TRAPPC9: variants seen among roughly 807,000 people sequenced by gnomAD.
TRAPPC9 encodes IKK2 binding protein.
TRAPPC9 carries 83 observed loss-of-function variants against 124.0 expected under a neutral mutation model. The observed-to-expected ratio is 0.67, with a 90% CI of 0.56 to 0.80. The LOEUF is 0.80. TRAPPC9 is among the 30% of genes least tolerant of loss of function. The probability of loss-of-function intolerance (pLI) is 0.00; values close to 1 mark genes in which losing one functional copy is unlikely to be tolerated. For synonymous variants in TRAPPC9, 638 were observed against 617.5 expected (o/e 1.03, Z -0.49); for missense variants, 1,302 against 1,508.3 (o/e 0.86, Z 2.27).
In TRAPPC9 at chr8:140,275,815, T is replaced by C. The variant is rs149959014; in HGVS notation, c.2121A>G (p.Ala707=). 7.4e-6 allele frequency: 12 copies of C among 1,612,020 alleles called. No homozygotes were observed. Among genetic ancestry groups the C allele is most frequent in the Admixed American group, 1.7e-5 (1 of 59,984 alleles). Residue 707 remains alanine (A), a synonymous_variant, in exon 15 of 23, where the codon GCA becomes GCG. Coordinates refer to ENST00000438773, the MANE Select transcript of TRAPPC9 (RefSeq NM_001160372.4). The part of the protein sequence containing the change: ...LQISTSLPRS[A]HSLQPSSGDE... ...CACCAGAAGAAGGTTGCAATGAATGTGCAGATCTAAAATAAGAAGAAGAAA... is the reference window on the plus strand; with the variant it reads ...CACCAGAAGAAGGTTGCAATGAATGCGCAGATCTAAAATAAGAAGAAGAAA...
chr8:140,293,416 G>A (rs576938465), intron 11 of TRAPPC9, among the ~76,000 whole-genome samples: 58 of 152,080 alleles, frequency 3.8e-4, no homozygotes, highest in African/African-American at 7.5e-4. Context: ...ACATGCACAC[G>A]TATGTTTATT....
chr8:139,926,191 G>C (rs1054081670), intron 19 of TRAPPC9, among the ~76,000 whole-genome samples: 3 of 152,202 alleles, frequency 2.0e-5, no homozygotes, highest in African/African-American at 7.2e-5. Context: ...GCAGAGGCCT[G>C]GGGAGGTGAG....
intron 21 of TRAPPC9, among the ~76,000 whole-genome samples, chr8:139,772,141 C>CA (rs1821009929): frequency 6.6e-6 from 1 of 152,246 alleles, no homozygotes; most frequent in Non-Finnish European, 1.5e-5. Flanking sequence ...CTGGGATCCA[C>CA]ATGGAAGGTG....
chr8:140,174,852 C>T (rs1457608158), intron 17 of TRAPPC9, among the ~76,000 whole-genome samples: 1 of 152,188 alleles, frequency 6.6e-6, no homozygotes, highest in Non-Finnish European at 1.5e-5. Context: ...GTTTGACTAT[C>T]ATAAATAATA....
Position 140,353,906 on chromosome 8 carries a change from C to T in TRAPPC9, c.1495+6144G>A, listed in dbSNP as rs889227741. ...AGGCTTGCTGGGTGGGCAAACAGAC[C>T]AACACCTCCACAGCCCAGCATGCTG... is the stretch of plus-strand genomic sequence containing the variant. On this transcript the variant is annotated intron_variant, in intron 9 of 22. Transcript: ENST00000438773. The surrounding 1 kb of genome is among the most constrained non-coding windows in gnomAD (Gnocchi z 4.2). Among the ~76,000 whole-genome samples the T allele has an allele frequency of 1.3e-5, 2 of 152,160 alleles. No homozygotes were observed. The highest frequency in any genetic ancestry group is 2.9e-5 in the Non-Finnish European group (2 of 68,030).
rs891215365 is a variant in TRAPPC9 at position 139,799,345 on chromosome 8, C to T, written c.3056-67143G>A. ...TCCACCCCAACCTTTTTTGCACTAT[C>T]AGGTAACATGCACACGATCCAGAGA... On this transcript the variant is annotated intron_variant, in intron 21 of 22. Transcript: ENST00000438773. Among the ~76,000 whole-genome samples the T allele has an allele frequency of 5.3e-5, 8 of 152,146 alleles. No homozygotes were observed. In the South Asian group the frequency reaches 8.3e-4, roughly 16 times the overall value.
intron 7 of TRAPPC9, among the ~76,000 whole-genome samples, chr8:140,377,970 T>C (rs1004032220): frequency 1.3e-5 from 2 of 151,382 alleles, no homozygotes; most frequent in Admixed American, 6.6e-5. Flanking sequence ...AAAAAAAAAA[T>C]ACTTTGGGAT....
intron 17 of TRAPPC9, among the ~76,000 whole-genome samples, chr8:140,199,469 C>A (rs145753974): frequency 1.2e-3 from 183 of 152,014 alleles, no homozygotes; most frequent in African/African-American, 4.3e-3. Context: ...TCACACAGTT[C>A]GTAGGTGATC....
chr8:140,326,030 CA>C (rs1398543722), intron 9 of TRAPPC9, among the ~76,000 whole-genome samples: 1 of 152,066 alleles, frequency 6.6e-6, no homozygotes, highest in East Asian at 1.9e-4. Flanking sequence ...AATGGATACA[CA>C]AATGGAAATA....
At chr8:140,165,603 GA>G (rs2130913607) in intron 17 of TRAPPC9, among the ~76,000 whole-genome samples, 1 of 119,740 alleles carries the variant, frequency 8.4e-6, no homozygotes, top group African/African-American at 3.1e-5. Flanking sequence ...GGAGGGAGGG[GA>G]AGGGGGCAAG....
intron 16 of TRAPPC9, among the ~76,000 whole-genome samples, chr8:140,239,741 T>G (rs776222671): frequency 2.0e-5 from 3 of 152,238 alleles, no homozygotes; most frequent in African/African-American, 7.2e-5. Flanking sequence ...ATCCCTGGCC[T>G]TCTTCTTAGT....
At chr8:139,851,037 A>C (rs1411363645) in intron 21 of TRAPPC9, among the ~76,000 whole-genome samples, 1 of 152,230 alleles carries the variant, frequency 6.6e-6, no homozygotes, top group East Asian at 1.9e-4. Flanking sequence ...AAGCATCAGT[A>C]ATGGAGAAAA....
chr8:140,249,229 G>A (rs1163645440), intron 16 of TRAPPC9, among the ~76,000 whole-genome samples: 1 of 152,114 alleles, frequency 6.6e-6, no homozygotes, highest in Non-Finnish European at 1.5e-5. Flanking sequence ...CCACCTTTAT[G>A]TCTGTGAGGA....
At chr8:140,057,101 G>C (rs534144123) in intron 17 of TRAPPC9, among the ~76,000 whole-genome samples, 1 of 152,116 alleles carries the variant, frequency 6.6e-6, no homozygotes, top group African/African-American at 2.4e-5. Context: ...GCTCAGCCTC[G>C]TAAGTAATTA....
At chr8:140,378,698 T>C (rs2068519041) in intron 7 of TRAPPC9, among the ~76,000 whole-genome samples, 1 of 152,214 alleles carries the variant, frequency 6.6e-6, no homozygotes, top group Non-Finnish European at 1.5e-5. Context: ...TTTCATTCTT[T>C]TGCTAAACGT....
At chr8:140,121,465 G>C (rs901699539) in intron 17 of TRAPPC9, among the ~76,000 whole-genome samples, 20 of 152,220 alleles carry the variant, frequency 1.3e-4, no homozygotes, top group Admixed American at 1.3e-3. Flanking sequence ...TACTCTGGCA[G>C]TAAGGAAGAG....
intron 5 of TRAPPC9, among the ~76,000 whole-genome samples, chr8:140,415,123 A>G (rs756832383): frequency 2.6e-5 from 4 of 151,992 alleles, no homozygotes; most frequent in Non-Finnish European, 5.9e-5. Context: ...AAGCAGGAGG[A>G]TCTCTTGAGC....
chr8:140,195,140 C>G (rs1382396826), intron 17 of TRAPPC9, among the ~76,000 whole-genome samples: 5 of 152,094 alleles, frequency 3.3e-5, no homozygotes. Context: ...ATCCACTGTA[C>G]AGATCACACC....
rs1372770971 is a variant in TRAPPC9 at position 140,394,890 on chromosome 8, G to A, written c.1134+2730C>T. 2.0e-5 allele frequency among the ~76,000 whole-genome samples: 3 copies of A among 152,132 alleles called. No individual in the cohort carries two copies. The East Asian group carries it at 5.8e-4, about 29-fold the overall frequency. On this transcript the variant is annotated intron_variant, in intron 7 of 22. Transcript: ENST00000438773. Reference sequence around the variant, plus strand: ...CAGCACTTAGAGCATCAGGCTCCGGGGCAGGGACCACATCCTCATTGGCCC... The same window carrying A: ...CAGCACTTAGAGCATCAGGCTCCGGAGCAGGGACCACATCCTCATTGGCCC...
Sources: allele counts gnomAD v4.1 joint callset (sites outside exome capture counted in the v4.1 genomes callset), GRCh38; gene constraint gnomAD v4.1.1; non-coding constraint Gnocchi (gnomAD v3.1); transcripts MANE v1.5; gene names NCBI Gene and HGNC (gene_info 2026-07-23, HGNC 2026-07-21).